Variants in SH3PXD2A observed in about 807,000 individuals in gnomAD.
SH3PXD2A encodes the protein SH3 and PX domains 2A, also known as SH3 and PX domain-containing protein 2A.
Under a neutral mutation model 115.2 loss-of-function variants are expected in SH3PXD2A, and 32 were observed. The ratio of observed to expected loss-of-function variants is 0.28; its 90% CI spans 0.21 to 0.37. The LOEUF is 0.37. Ranked by LOEUF, SH3PXD2A falls within the 10% of genes least tolerant of loss-of-function variation. The pLI is 1.00. For synonymous variants in SH3PXD2A, 610 were observed against 629.1 expected, an observed-to-expected ratio of 0.97 and a Z score of 0.45; for missense variants, 1,328 against 1,498.7, an observed-to-expected ratio of 0.89 and a Z score of 1.88.
At chr10:103,751,894 T>C (rs1461689321) in intron 3 of SH3PXD2A, among the ~76,000 whole-genome samples, 8 of 152,210 alleles carry the variant, frequency 5.3e-5, no homozygotes. Flanking sequence ...GCCCTCGTGA[T>C]CTGTGACTGT....
chr10:103,818,610 G>A (rs1042338245), intron 1 of SH3PXD2A, among the ~76,000 whole-genome samples: 13 of 152,128 alleles, frequency 8.5e-5, no homozygotes, highest in Non-Finnish European at 4.4e-5. Context: ...GCGGCAAAAC[G>A]GGGAATGCCA....
chr10:103,808,241 G>C (rs1022979793), intron 1 of SH3PXD2A, among the ~76,000 whole-genome samples: 1 of 151,584 alleles, frequency 6.6e-6, no homozygotes, highest in Non-Finnish European at 1.5e-5. Flanking sequence ...TGGTGTTAAA[G>C]ACCCCTCTTT....
intron 2 of SH3PXD2A, among the ~76,000 whole-genome samples, chr10:103,787,685 G>C (rs2038993704): frequency 6.6e-6 from 1 of 152,238 alleles, no homozygotes; most frequent in African/African-American, 2.4e-5. Context: ...TCAGCAGGAA[G>C]AATGGCCCTG....
At chr10:103,817,387 C>T (rs1444298319) in intron 1 of SH3PXD2A, among the ~76,000 whole-genome samples, 1 of 152,140 alleles carries the variant, frequency 6.6e-6, no homozygotes, top group African/African-American at 2.4e-5. Context: ...GTCACCCAGG[C>T]TGGAGTGCAG....
intron 5 of SH3PXD2A, among the ~76,000 whole-genome samples, chr10:103,701,167 TCCATCCATCCA>T (rs1211776498): frequency 1.3e-4 from 19 of 141,968 alleles, no homozygotes; most frequent in East Asian, 2.2e-4. Flanking sequence ...CATCCATCCA[TCCATCCATCCA>T]CCATCCATCC....
intron 2 of SH3PXD2A, among the ~76,000 whole-genome samples, chr10:103,791,463 C>A (rs2039035721): frequency 6.6e-6 from 1 of 152,214 alleles, no homozygotes; most frequent in Non-Finnish European, 1.5e-5. Context: ...TCTGACAACT[C>A]CCAGCGGCTT....
chr10:103,641,933 A>G (rs563683578), intron 8 of SH3PXD2A, among the ~76,000 whole-genome samples: 9 of 152,306 alleles, frequency 5.9e-5, no homozygotes, highest in East Asian at 1.9e-4. Flanking sequence ...AACCTTTGCT[A>G]TATCCTTGAA....
intron 2 of SH3PXD2A, among the ~76,000 whole-genome samples, chr10:103,790,024 A>T (rs2039019294): frequency 6.6e-6 from 1 of 152,052 alleles, no homozygotes; most frequent in Non-Finnish European, 1.5e-5. Context: ...ATCTAGAGAG[A>T]AGTCTTCAGC....
At chr10:103,839,722 A>C (rs917381337) in intron 1 of SH3PXD2A, among the ~76,000 whole-genome samples, 3 of 152,098 alleles carry the variant, frequency 2.0e-5, no homozygotes, top group Admixed American at 2.0e-4. Context: ...AATCTCCACA[A>C]CATCCCATGA....
chr10:103,760,473 G>C (rs1222020170), intron 3 of SH3PXD2A, among the ~76,000 whole-genome samples: 1 of 152,162 alleles, frequency 6.6e-6, no homozygotes, highest in Non-Finnish European at 1.5e-5. Flanking sequence ...GGGAGGCTGA[G>C]GCAGGAGGAC....
intron 8 of SH3PXD2A, among the ~76,000 whole-genome samples, chr10:103,654,663 C>T (rs1233938968): frequency 1.3e-5 from 2 of 152,150 alleles, no homozygotes; most frequent in Non-Finnish European, 2.9e-5. Context: ...GTTACCCTCC[C>T]ACCTCAACCT....
chr10:103,680,075 G>C (rs1168098344), intron 6 of SH3PXD2A, among the ~76,000 whole-genome samples: 2 of 152,002 alleles, frequency 1.3e-5, no homozygotes, highest in African/African-American at 2.4e-5. Flanking sequence ...TGCCTCCCCG[G>C]TTCAAGTGAT....
intron 8 of SH3PXD2A, among the ~76,000 whole-genome samples, chr10:103,646,246 G>A (rs998701821): frequency 6.6e-6 from 1 of 152,120 alleles, no homozygotes; most frequent in Non-Finnish European, 1.5e-5. Flanking sequence ...CTCTCACTGA[G>A]CGGCTTCCTG....
At chr10:103,625,880 A>G (rs1340268540) in intron 9 of SH3PXD2A, among the ~76,000 whole-genome samples, 1 of 152,156 alleles carries the variant, frequency 6.6e-6, no homozygotes, top group African/African-American at 2.4e-5. Flanking sequence ...ACAGAGCAAG[A>G]CTCTGTTTCA....
At chr10:103,731,651 T>C (rs976912276) in intron 4 of SH3PXD2A, among the ~76,000 whole-genome samples, 5 of 152,172 alleles carry the variant, frequency 3.3e-5, no homozygotes, top group African/African-American at 1.2e-4. Flanking sequence ...AGACTCCCCA[T>C]TGGCAAGGCC....
At chr10:103,617,354 G>T in intron 10 of SH3PXD2A, 40 bp from the exon 11 acceptor site, 1 of 1,432,074 alleles carries the variant, frequency 7.0e-7, no homozygotes, top group Non-Finnish European at 9.9e-7. Context: ...TTTGAGGTCG[G>T]GGTGCAGGTC....
chr10:103,687,526 C>T (rs2037693852), intron 6 of SH3PXD2A, among the ~76,000 whole-genome samples: 1 of 152,152 alleles, frequency 6.6e-6, no homozygotes, highest in Non-Finnish European at 1.5e-5. Context: ...ATCCAATCAT[C>T]AGAGTCTGTC....
Position 103,603,076 on chromosome 10 carries a change from G to A in SH3PXD2A, c.2142C>T (p.Thr714=), listed in dbSNP as rs767902135. ...SSSSSSSLSK[T]SGDLKPRSAS... is the part of the protein sequence containing the mutation. ...CAGAGCGGGGCTTCAGGTCGCCACTGGTTTTGGACAAGGAAGAGGAGGAGG... is the reference window on the plus strand; with the variant it reads ...CAGAGCGGGGCTTCAGGTCGCCACTAGTTTTGGACAAGGAAGAGGAGGAGG... The change falls in exon 15 of 15, where the codon ACC becomes ACT. Residue 714 remains threonine, a synonymous_variant. Transcript: ENST00000369774. 1.9e-6 allele frequency: 3 copies of A among 1,613,422 alleles called. No individual in the cohort carries two copies. The highest frequency in any genetic ancestry group is 4.5e-5 in the East Asian group (2 of 44,886).
chr10:103,803,066 G>T (rs2039162949), intron 1 of SH3PXD2A, among the ~76,000 whole-genome samples: 1 of 152,210 alleles, frequency 6.6e-6, no homozygotes, highest in Non-Finnish European at 1.5e-5. Context: ...GTGCTTGGCT[G>T]CTCCGGTGAT....
Sources: allele counts gnomAD v4.1 joint callset (sites outside exome capture counted in the v4.1 genomes callset), GRCh38; gene constraint gnomAD v4.1.1; transcripts MANE v1.5; gene names NCBI Gene and HGNC (gene_info 2026-07-23, HGNC 2026-07-21).